Variants in SYT2 observed in about 807,000 individuals in gnomAD.
SYT2 encodes synaptotagmin 2.
SYT2 carries 15 observed loss-of-function variants against 39.9 expected under a neutral mutation model. The observed-to-expected ratio is 0.38, with a 90% CI of 0.25 to 0.58. The LOEUF is 0.58. Ranked by LOEUF, SYT2 falls within the 20% of genes least tolerant of loss-of-function variation. The probability of loss-of-function intolerance (pLI) is 0.70; values close to 1 mark genes in which losing one functional copy is unlikely to be tolerated. For synonymous variants in SYT2, 181 were observed against 204.5 expected, an observed-to-expected ratio of 0.89 and a Z score of 0.98; for missense variants, 389 against 530.3, an observed-to-expected ratio of 0.73 and a Z score of 2.62.
chr1:202,650,158 G>T (rs1692163889), intron 1 of SYT2, among the ~76,000 whole-genome samples: 3 of 152,328 alleles, frequency 2.0e-5, no homozygotes, highest in African/African-American at 7.2e-5. Flanking sequence ...GAGAATCCAA[G>T]AAGCCCAAAT....
rs1316224777 is a variant in SYT2 at position 202,669,505 on chromosome 1, A to G, written c.-18+40753T>C. 2.0e-5 allele frequency among the ~76,000 whole-genome samples: 3 copies of G among 151,844 alleles called. No homozygotes were observed. In the East Asian group the frequency reaches 5.8e-4, roughly 29 times the overall value. Reference sequence around the variant, plus strand: ...TCTCTACTAAAAATACAAGCAGAGAATTGCTTGAACCTGGGAGGGGGAGGT... The same window carrying G: ...TCTCTACTAAAAATACAAGCAGAGAGTTGCTTGAACCTGGGAGGGGGAGGT... On this transcript the variant is annotated intron_variant, in intron 1 of 8. Transcript: ENST00000367268.
At chr1:202,650,988 CGGGAGTGGGGT>C (rs1692180719) in intron 1 of SYT2, among the ~76,000 whole-genome samples, 1 of 140,058 alleles carries the variant, frequency 7.1e-6, no homozygotes, top group Non-Finnish European at 1.5e-5. Context: ...AAGAAGGGGC[CGGGAGTGGGGT>C]GGGAGGGGCA....
intron 1 of SYT2, among the ~76,000 whole-genome samples, chr1:202,699,010 C>CTT (rs5780118): frequency 0.015 from 1,503 of 97,874 alleles, 64 homozygotes; most frequent in African/African-American, 0.046. Flanking sequence ...ACCAAACTGT[C>CTT]TTTTTTTTTT....
At chr1:202,709,095 C>T (rs971400881) in intron 1 of SYT2, among the ~76,000 whole-genome samples, 10 of 151,814 alleles carry the variant, frequency 6.6e-5, no homozygotes, top group Middle Eastern at 3.2e-3. Flanking sequence ...GCTTCCTGGG[C>T]GCCCCCAGAT....
chr1:202,611,842 T>C (rs1310199212), intron 1 of SYT2, among the ~76,000 whole-genome samples: 1 of 152,180 alleles, frequency 6.6e-6, no homozygotes, highest in Non-Finnish European at 1.5e-5. Context: ...AGCTCTCACA[T>C]TCAAGTCTAC....
chr1:202,662,032 A>T (rs1234368548), intron 1 of SYT2, among the ~76,000 whole-genome samples: 1 of 152,192 alleles, frequency 6.6e-6, no homozygotes, highest in Non-Finnish European at 1.5e-5. Flanking sequence ...TGTGATCACA[A>T]TGCAATGTAC....
intron 1 of SYT2, among the ~76,000 whole-genome samples, chr1:202,694,291 G>C (rs1175347582): frequency 1.3e-5 from 2 of 152,210 alleles, no homozygotes; most frequent in Non-Finnish European, 2.9e-5. Flanking sequence ...GCCCCAGACT[G>C]GCATTCCTGC....
intron 4 of SYT2, 21 bp downstream of exon 4, chr1:202,602,959 TCCCCATTCCCCCACTCTGC>T: frequency 1.3e-6 from 2 of 1,562,690 alleles, no homozygotes; most frequent in Non-Finnish European, 1.7e-6. Context: ...CCCAGGCCTC[TCCCCATTCCCCCACTCTGC>T]CCCCCCACAG....
rs1690930669 is a variant in SYT2, at chr1:202,613,067, C to CTTTTTTTTTTTTTTTTTTTTTTTTTTT, written c.-17-7279_-17-7278insAAAAAAAAAAAAAAAAAAAAAAAAAAA. ...CACATTGCCGAACTCATTGGTTCTT[C>CTTTTTTTTTTTTTTTTTTTTTTTTTTT]CTTTTTTTTTTTTTTTTTTTTTTTT... On this transcript the variant is annotated intron_variant, in intron 1 of 8. Coordinates refer to ENST00000367268, the MANE Select transcript of SYT2 (RefSeq NM_177402.5). 1.6e-5 allele frequency among the ~76,000 whole-genome samples: 2 copies of CTTTTTTTTTTTTTTTTTTTTTTTTTTT among 121,604 alleles called. 1 individual carries two copies. Among genetic ancestry groups the CTTTTTTTTTTTTTTTTTTTTTTTTTTT allele is most frequent in the Non-Finnish European group, 3.3e-5 (2 of 59,938 alleles). The allele number at this position is 121,604 out of a possible 152,430, so 79.8% of individuals were successfully genotyped here.
chr1:202,597,526 T>G (rs1690339631), intron 8 of SYT2, among the ~76,000 whole-genome samples: 1 of 152,066 alleles, frequency 6.6e-6, no homozygotes, highest in Non-Finnish European at 1.5e-5. Flanking sequence ...TGAGAAACAT[T>G]AGATGTTCAG....
chr1:202,645,848 C>G (rs1280135568), intron 1 of SYT2, among the ~76,000 whole-genome samples: 1 of 152,186 alleles, frequency 6.6e-6, no homozygotes, highest in African/African-American at 2.4e-5. Context: ...CTGGAGAAAA[C>G]ACAGCTGTGC....
intron 1 of SYT2, among the ~76,000 whole-genome samples, chr1:202,618,468 A>G (rs1691112546): frequency 6.6e-6 from 1 of 151,626 alleles, no homozygotes; most frequent in South Asian, 2.1e-4. Context: ...AAGTGGGGGC[A>G]TTGCACACAG....
At chr1:202,645,733 C>T (rs1164912566) in intron 1 of SYT2, among the ~76,000 whole-genome samples, 3 of 152,188 alleles carry the variant, frequency 2.0e-5, no homozygotes, top group Non-Finnish European at 4.4e-5. Flanking sequence ...GCCCTTTCCC[C>T]TCTTGGGCGG....
intron 1 of SYT2, among the ~76,000 whole-genome samples, chr1:202,660,301 G>T (rs939348859): frequency 1.3e-5 from 2 of 152,194 alleles, no homozygotes; most frequent in Non-Finnish European, 2.9e-5. Flanking sequence ...TAACTTGTCA[G>T]AACCTCAGTT....
chr1:202,637,036 G>A (rs1159956733), intron 1 of SYT2, among the ~76,000 whole-genome samples: 8 of 152,178 alleles, frequency 5.3e-5, no homozygotes, highest in Admixed American at 5.2e-4. Flanking sequence ...ACATGGACTA[G>A]GGGCTGGGCA....
At position 202,630,778 on chromosome 1, in the gene SYT2, G is replaced by A. The variant is rs1258490856; in HGVS notation, c.-17-24989C>T. Reference sequence around the variant, plus strand: ...CCTCAAGGTTTTCCCTCACAGGAGCGGAAGCATCTTTCCACACCCCGGGCC... The same window carrying A: ...CCTCAAGGTTTTCCCTCACAGGAGCAGAAGCATCTTTCCACACCCCGGGCC... On this transcript the variant is annotated intron_variant, in intron 1 of 8. Transcript: ENST00000367268. Among the ~76,000 whole-genome samples the A allele has an allele frequency of 4.6e-5, 7 of 152,286 alleles. No homozygotes were observed. In the East Asian group the frequency reaches 5.8e-4, roughly 13 times the overall value.
chr1:202,644,738 C>T (rs1692041757), intron 1 of SYT2, among the ~76,000 whole-genome samples: 1 of 152,082 alleles, frequency 6.6e-6, no homozygotes, highest in African/African-American at 2.4e-5. Flanking sequence ...TTGGGGGGGG[C>T]AGTCACTCAG....
At chr1:202,634,306 T>G (rs1451298276) in intron 1 of SYT2, among the ~76,000 whole-genome samples, 1 of 152,170 alleles carries the variant, frequency 6.6e-6, no homozygotes, top group Non-Finnish European at 1.5e-5. Context: ...TCACCCGATG[T>G]CAGGAGTTCG....
At chr1:202,597,163 G>C (rs1421638543) in intron 8 of SYT2, among the ~76,000 whole-genome samples, 200 bp from the exon 9 acceptor site, 3 of 152,178 alleles carry the variant, frequency 2.0e-5, no homozygotes, top group African/African-American at 7.2e-5. Context: ...TTCTACCACT[G>C]GGCATTTATT....
Sources: gnomAD v4.1 joint callset for allele counts (sites outside exome capture counted in the v4.1 genomes callset) on GRCh38, gnomAD v4.1.1 for gene constraint, MANE v1.5 for transcripts, NCBI Gene and HGNC (gene_info 2026-07-23, HGNC 2026-07-21) for gene names.